Variants in TIPRL observed in about 807,000 individuals in gnomAD.
TIPRL encodes TOR signaling pathway regulator.
In TIPRL, 10 loss-of-function variants were observed where a neutral mutation model predicts 32.3. That is an observed-to-expected ratio of 0.31 (90% CI 0.19 to 0.52). The LOEUF is 0.52. Ranked by LOEUF, TIPRL falls within the 20% of genes least tolerant of loss-of-function variation. TIPRL has a pLI of 0.96. For missense variants in TIPRL, 250 were observed against 328.1 expected, an observed-to-expected ratio of 0.76 and a Z score of 1.84; for synonymous variants, 100 against 114.0, an observed-to-expected ratio of 0.88 and a Z score of 0.78.
chr1:168,192,089 C>T, intron 4 of TIPRL: 3 of 1,170,242 alleles, frequency 2.6e-6, no homozygotes, highest in Non-Finnish European at 3.2e-6. Context: ...TTAATTTTCA[C>T]ATTTTGGATT....
At chr1:168,181,326 C>T (rs1699959572) in intron 1 of TIPRL, among the ~76,000 whole-genome samples, 1 of 151,876 alleles carries the variant, frequency 6.6e-6, no homozygotes, top group African/African-American at 2.4e-5. Flanking sequence ...GATTCTCCTG[C>T]CCAGCCTCCC....
intron 3 of TIPRL, among the ~76,000 whole-genome samples, chr1:168,191,051 C>G (rs1227273888): frequency 6.6e-6 from 1 of 152,020 alleles, no homozygotes; most frequent in Non-Finnish European, 1.5e-5. Context: ...GTTCATCACA[C>G]TGACTGATGT....
chr1:168,198,954 A>G lies in TIPRL; in HGVS notation c.648A>G (p.Ser216=). 1 of 1,612,464 alleles carries G rather than the reference A, an allele frequency of 6.2e-7. No individual in the cohort carries two copies. Among genetic ancestry groups the G allele is most frequent in the African/African-American group, 1.3e-5 (1 of 74,982 alleles). ...CCTACATGTTACGAGAATATACGTC[A>G]CGAGAAAGCAAAATTTCTAGTTTGA... ...DKTYMLREYT[S]RESKISSLMH... is the part of the protein sequence containing the mutation. Residue 216 remains serine, a synonymous_variant, in exon 6 of 7, where the codon TCA becomes TCG. Transcript: ENST00000367833.
chr1:168,197,782 C>T (rs10918842), intron 5 of TIPRL, among the ~76,000 whole-genome samples: 2,505 of 152,272 alleles, frequency 0.016, 67 homozygotes, highest in African/African-American at 0.056. Context: ...TTGCCTCGGC[C>T]TCCCAAAGTG....
At chr1:168,192,230 C>T (rs1256060842) in intron 4 of TIPRL, 1 of 1,467,666 alleles carries the variant, frequency 6.8e-7, no homozygotes, top group Non-Finnish European at 9.1e-7. Context: ...CACCTGTAGT[C>T]CCAGCTACTC....
intron 5 of TIPRL, 139 bp downstream of exon 5, chr1:168,196,781 T>C (rs1700159215): frequency 4.1e-6 from 2 of 485,846 alleles, no homozygotes; most frequent in Non-Finnish European, 6.8e-6. Flanking sequence ...GTGTTTCACA[T>C]TCACTGTTGA....
At chr1:168,189,879 A>G (rs781638790) in intron 3 of TIPRL, among the ~76,000 whole-genome samples, 3 of 152,212 alleles carry the variant, frequency 2.0e-5, no homozygotes, top group Non-Finnish European at 4.4e-5. Context: ...AAATGGAAAA[A>G]CTGACAGATT....
intron 3 of TIPRL, among the ~76,000 whole-genome samples, chr1:168,189,072 G>T (rs986831678): frequency 2.6e-5 from 4 of 152,068 alleles, no homozygotes; most frequent in African/African-American, 4.8e-5. Context: ...CAGGGTCCTT[G>T]TCCTTAGTGA....
chr1:168,185,138 T>C (rs1484965442), intron 3 of TIPRL, among the ~76,000 whole-genome samples: 1 of 152,214 alleles, frequency 6.6e-6, no homozygotes, highest in Admixed American at 6.5e-5. Flanking sequence ...TCATTATCAC[T>C]ATCAAGAAAC....
intron 6 of TIPRL, among the ~76,000 whole-genome samples, chr1:168,199,526 G>A (rs1700188333): frequency 6.6e-6 from 1 of 152,030 alleles, no homozygotes. Flanking sequence ...ACTTCTGTCT[G>A]GGTATAGAGT....
chr1:168,194,534 A>T (rs1437075099), intron 4 of TIPRL, among the ~76,000 whole-genome samples: 9 of 152,198 alleles, frequency 5.9e-5, no homozygotes, highest in African/African-American at 1.2e-4. Flanking sequence ...TTGAAATTTG[A>T]AGAAATGTTG....
At chr1:168,190,601 T>G (rs150925446) in intron 3 of TIPRL, among the ~76,000 whole-genome samples, 369 of 152,332 alleles carry the variant, frequency 2.4e-3, no homozygotes, top group Non-Finnish European at 4.1e-3. Context: ...TGTTTGTTTA[T>G]GGTAAACCTG....
chr1:168,180,540 A>G (rs1478559276), intron 1 of TIPRL, among the ~76,000 whole-genome samples: 1 of 152,226 alleles, frequency 6.6e-6, no homozygotes, highest in East Asian at 1.9e-4. Context: ...TAAGGTATCT[A>G]GAAGTCATCC....
At position 168,200,272 on chromosome 1, in the gene TIPRL, T is replaced by G. The variant is rs997103816; in HGVS notation, c.*226T>G. ...GATTTATATTTTCTGGAGTTAAATT[T>G]GGATGATTTCTAAATTATCACAAAG... On this transcript the variant is annotated 3_prime_UTR_variant, in exon 7 of 7. Transcript: ENST00000367833. 2 of 451,384 alleles carry G rather than the reference T, an allele frequency of 4.4e-6. No homozygotes were observed. The highest frequency in any genetic ancestry group is 7.8e-6 in the Non-Finnish European group (2 of 256,054). 28.0% of individuals were successfully genotyped at this position (451,384 alleles called of 1,614,324 possible).
chr1:168,198,936 G>A lies in TIPRL; in HGVS notation c.630G>A (p.Met210Ile), dbSNP rs1420138780. 6 of 1,612,058 alleles carry A rather than the reference G, an allele frequency of 3.7e-6. 1 individual carries two copies. The highest frequency in any genetic ancestry group is 5.1e-6 in the Non-Finnish European group (6 of 1,178,924). Residue 210 changes from methionine to isoleucine, a missense_variant, in exon 6 of 7, where the codon ATG becomes ATA. Coordinates refer to ENST00000367833, the MANE Select transcript of TIPRL (RefSeq NM_152902.5). The stretch of plus-strand genomic sequence containing the variant: ...AAATACAGGCTGACAAGACCTACAT[G>A]TTACGAGAATATACGTCACGAGAAA... ...RLYHEADKTY[M>I]LREYTSRESK... is the part of the protein sequence containing the mutation.
intron 1 of TIPRL, 48 bp from the exon 2 acceptor site, chr1:168,183,854 G>A (rs758761191): frequency 6.3e-7 from 1 of 1,576,196 alleles, no homozygotes; most frequent in Non-Finnish European, 8.7e-7. Flanking sequence ...AAACAAAAAT[G>A]CCAACAGCGA....
At chr1:168,198,793 T>G (rs1386495319) in intron 5 of TIPRL, 126 bp from the exon 6 acceptor site, 1 of 741,874 alleles carries the variant, frequency 1.3e-6, no homozygotes, top group African/African-American at 1.8e-5. Flanking sequence ...TAGAACAAGA[T>G]GTTCTCTTTA....
intron 3 of TIPRL, among the ~76,000 whole-genome samples, chr1:168,190,322 T>G (rs1365038356): frequency 2.0e-5 from 3 of 151,936 alleles, no homozygotes; most frequent in African/African-American, 7.2e-5. Flanking sequence ...TGGACATTTT[T>G]TTACCTCCTG....
chr1:168,180,526 G>T (rs746617842), intron 1 of TIPRL, among the ~76,000 whole-genome samples: 8 of 152,286 alleles, frequency 5.3e-5, no homozygotes, highest in Non-Finnish European at 8.8e-5. Flanking sequence ...CTTTGGGAAT[G>T]AATTAAGGTA....
Sources: gnomAD v4.1 joint callset for allele counts (sites outside exome capture counted in the v4.1 genomes callset) on GRCh38, gnomAD v4.1.1 for gene constraint, MANE v1.5 for transcripts, NCBI Gene and HGNC (gene_info 2026-07-23, HGNC 2026-07-21) for gene names.